Variants in FGF14 observed in about 807,000 individuals in gnomAD.
FGF14 encodes fibroblast growth factor 14.
In FGF14, 5 loss-of-function variants were observed where a neutral mutation model predicts 25.5. The ratio of observed to expected loss-of-function variants is 0.20; its 90% CI spans 0.10 to 0.41. FGF14 has a LOEUF of 0.41. Ranked by LOEUF, FGF14 falls within the 10% of genes least tolerant of loss-of-function variation. The pLI is 1.00. For synonymous variants in FGF14, 138 were observed against 118.3 expected, an observed-to-expected ratio of 1.17 and a Z score of -1.08; for missense variants, 222 against 320.1, an observed-to-expected ratio of 0.69 and a Z score of 2.34.
chr13:102,071,477 T>C (rs2043151462), intron 1 of FGF14, among the ~76,000 whole-genome samples: 1 of 152,202 alleles, frequency 6.6e-6, no homozygotes, highest in Admixed American at 6.5e-5. Context: ...GTTTACTATT[T>C]GTTTTACTTT....
exon 1 of FGF14, chr13:102,401,705 T>C: frequency 6.3e-7 from 1 of 1,594,212 alleles, no homozygotes; most frequent in Non-Finnish European, 8.6e-7. Context: ...TTCCGGATCT[T>C]CTCCCAGTTT....
At chr13:102,014,001 T>C (rs778898251) in intron 1 of FGF14, among the ~76,000 whole-genome samples, 6 of 152,162 alleles carry the variant, frequency 3.9e-5, no homozygotes, top group Non-Finnish European at 7.3e-5. Context: ...AATGTACTAA[T>C]GAATTTAATC....
At chr13:101,870,711 C>G (rs562149306) in intron 2 of FGF14, among the ~76,000 whole-genome samples, 5 of 152,050 alleles carry the variant, frequency 3.3e-5, no homozygotes, top group African/African-American at 4.8e-5. Flanking sequence ...CCCAGCACTT[C>G]GGGAAGCCGA....
chr13:101,959,134 C>T (rs2036686491), intron 1 of FGF14, among the ~76,000 whole-genome samples: 1 of 152,138 alleles, frequency 6.6e-6, no homozygotes, highest in Non-Finnish European at 1.5e-5. Flanking sequence ...AGTGCACAAC[C>T]TAGATCCCTC....
At chr13:101,957,422 TCA>T (rs1481757514) in intron 1 of FGF14, among the ~76,000 whole-genome samples, 1 of 152,094 alleles carries the variant, frequency 6.6e-6, no homozygotes, top group Non-Finnish European at 1.5e-5. Context: ...GAACCAGAGC[TCA>T]CAGAGTATTG....
intron 3 of FGF14, among the ~76,000 whole-genome samples, chr13:101,793,090 G>A (rs916903435): frequency 1.7e-4 from 26 of 152,012 alleles, no homozygotes; most frequent in Non-Finnish European, 3.4e-4. Context: ...TCACTACACT[G>A]TGCAACAGAT....
chr13:102,121,540 T>C (rs2082317446), intron 1 of FGF14, among the ~76,000 whole-genome samples: 1 of 152,150 alleles, frequency 6.6e-6, no homozygotes, highest in Admixed American at 6.5e-5. Flanking sequence ...CCATGAAAAT[T>C]ATTTAATTAA....
At chr13:102,040,717 G>A (rs543474363) in intron 1 of FGF14, among the ~76,000 whole-genome samples, 2 of 152,152 alleles carry the variant, frequency 1.3e-5, no homozygotes, top group South Asian at 2.1e-4. Flanking sequence ...AAACACATAA[G>A]TGAAAAGCTA....
chr13:101,734,379 G>A (rs918691003), intron 3 of FGF14, among the ~76,000 whole-genome samples: 11 of 152,142 alleles, frequency 7.2e-5, no homozygotes, highest in South Asian at 2.1e-4. Context: ...TTTACAATAC[G>A]TCTATAAGTA....
At chr13:101,926,236 C>A (rs2034353555) in intron 1 of FGF14, among the ~76,000 whole-genome samples, 1 of 152,194 alleles carries the variant, frequency 6.6e-6, no homozygotes, top group Admixed American at 6.5e-5. Context: ...TCCTTCCTAG[C>A]CTTTGACACT....
intron 1 of FGF14, among the ~76,000 whole-genome samples, chr13:102,289,988 T>G (rs1391746848): frequency 6.6e-6 from 1 of 152,140 alleles, no homozygotes; most frequent in East Asian, 1.9e-4. Flanking sequence ...ATTCTATTCT[T>G]AAAGGGTAAT....
At chr13:101,724,718 G>C (rs536300549) in intron 4 of FGF14, among the ~76,000 whole-genome samples, 2 of 147,568 alleles carry the variant, frequency 1.4e-5, no homozygotes, top group African/African-American at 5.0e-5. Context: ...ATTTATATTC[G>C]GTATGGGTTT....
At chr13:102,278,518 A>G (rs944206111) in intron 1 of FGF14, among the ~76,000 whole-genome samples, 3 of 152,146 alleles carry the variant, frequency 2.0e-5, no homozygotes, top group Admixed American at 6.5e-5. Flanking sequence ...AAAATGCATC[A>G]TTCCTTCTGG....
At chr13:101,924,091 A>G (rs1421914843) in intron 1 of FGF14, among the ~76,000 whole-genome samples, 1 of 152,152 alleles carries the variant, frequency 6.6e-6, no homozygotes, top group Non-Finnish European at 1.5e-5. Context: ...TTTTAATAAT[A>G]GATCAGTGAA....
chr13:102,097,213 T>A (rs2044443363), intron 1 of FGF14, among the ~76,000 whole-genome samples: 1 of 152,220 alleles, frequency 6.6e-6, no homozygotes, highest in African/African-American at 2.4e-5. Flanking sequence ...TTGGTTAGCA[T>A]GTTGCTTTCA....
At chr13:101,948,590 A>G (rs2035964181) in intron 1 of FGF14, among the ~76,000 whole-genome samples, 1 of 151,968 alleles carries the variant, frequency 6.6e-6, no homozygotes, top group East Asian at 1.9e-4. Flanking sequence ...AAATGAGCTC[A>G]TTCGTAATGA....
intron 1 of FGF14, among the ~76,000 whole-genome samples, chr13:102,358,363 T>C (rs1489297888): frequency 2.0e-5 from 3 of 152,186 alleles, no homozygotes; most frequent in Non-Finnish European, 4.4e-5. Context: ...TTATAAAGAT[T>C]TTATATTCCA....
intron 1 of FGF14, among the ~76,000 whole-genome samples, chr13:101,944,566 T>C (rs956105812): frequency 6.6e-6 from 1 of 152,198 alleles, no homozygotes; most frequent in African/African-American, 2.4e-5. Context: ...AATTACAATA[T>C]TAAAGCTCAC....
At chr13:101,966,355 C>A (rs1258969497) in intron 1 of FGF14, among the ~76,000 whole-genome samples, 1 of 152,164 alleles carries the variant, frequency 6.6e-6, no homozygotes, top group African/African-American at 2.4e-5. Context: ...TGCCAAAGAC[C>A]AATGGCCACT....
Sources: allele counts gnomAD v4.1 joint callset (sites outside exome capture counted in the v4.1 genomes callset), GRCh38; gene constraint gnomAD v4.1.1; transcripts MANE v1.5; gene names NCBI Gene and HGNC (gene_info 2026-07-23, HGNC 2026-07-21).